SLC71A1: variants seen among roughly 807,000 people sequenced by gnomAD.
The protein encoded by SLC71A1 is solute carrier family 71 member 1, also known as hippocampus abundant gene transcript 1.
the SLC71A1 span, among the ~76,000 whole-genome samples, chr1:100,041,672 C>G: frequency 0.042 from 6,331 of 152,212 alleles, 149 homozygotes; most frequent in South Asian, 0.05. Flanking sequence ...GCCTGTAATC[C>G]CAGCACTTTG....
At chr1:100,043,137 C>T in the SLC71A1 span, 19 of 982,794 alleles carry the variant, frequency 1.9e-5, no homozygotes, top group African/African-American at 2.8e-4. Context: ...ATAATCAGAC[C>T]GTCTGCAGAA....
the SLC71A1 span, chr1:100,068,732 C>T: frequency 3.3e-6 from 2 of 610,254 alleles, no homozygotes; most frequent in East Asian, 2.9e-5. Flanking sequence ...CCTGTAATCT[C>T]AGCACTTTGG....
the SLC71A1 span, chr1:100,061,880 T>A: frequency 6.2e-7 from 1 of 1,613,150 alleles, no homozygotes; most frequent in Non-Finnish European, 8.5e-7. Context: ...TTGCAGTGAC[T>A]TTTTCTGTGG....
chr1:100,047,916 G>T, the SLC71A1 span, among the ~76,000 whole-genome samples: 1 of 152,114 alleles, frequency 6.6e-6, no homozygotes, highest in Non-Finnish European at 1.5e-5. Context: ...TATTAGAAAA[G>T]ATATGGAAAA....
At chr1:100,056,508 G>T in the SLC71A1 span, among the ~76,000 whole-genome samples, 1 of 152,196 alleles carries the variant, frequency 6.6e-6, no homozygotes, top group Non-Finnish European at 1.5e-5. Flanking sequence ...TACTCAGGAG[G>T]CTGAGGCAGG....
At chr1:100,061,894 T>A in the SLC71A1 span, 1 of 1,613,602 alleles carries the variant, frequency 6.2e-7, no homozygotes, top group Non-Finnish European at 8.5e-7. Context: ...TCTGTGGTAT[T>A]TGCATACGTA....
the SLC71A1 span, among the ~76,000 whole-genome samples, chr1:100,044,100 C>T: frequency 1.3e-5 from 2 of 152,144 alleles, no homozygotes; most frequent in Non-Finnish European, 2.9e-5. Context: ...AACAGTAGTT[C>T]TATTTTTAGT....
At chr1:100,079,502 T>C in the SLC71A1 span, 3 of 151,866 alleles carry the variant, frequency 2.0e-5, no homozygotes, top group Non-Finnish European at 4.4e-5. Context: ...GGTTGATAAA[T>C]GAGGAAGGAA....
the SLC71A1 span, chr1:100,069,756 G>A: frequency 1.1e-6 from 1 of 895,614 alleles, no homozygotes; most frequent in Non-Finnish European, 1.9e-6. Flanking sequence ...GCCTCATCTA[G>A]TGATGGTATC....
At chr1:100,066,538 G>A in the SLC71A1 span, among the ~76,000 whole-genome samples, 1 of 152,110 alleles carries the variant, frequency 6.6e-6, no homozygotes, top group African/African-American at 2.4e-5. Context: ...GCTATTGTTA[G>A]TGTATTTTAT....
the SLC71A1 span, among the ~76,000 whole-genome samples, chr1:100,046,508 G>A: frequency 6.6e-6 from 1 of 152,170 alleles, no homozygotes; most frequent in East Asian, 1.9e-4. Context: ...TTACAGGCGT[G>A]AGTCACTGTG....
chr1:100,043,203 A>G, the SLC71A1 span: 7 of 979,578 alleles, frequency 7.1e-6, no homozygotes, highest in Non-Finnish European at 8.5e-6. Context: ...TTAAAGTTTA[A>G]GTAAAAAAAT....
At chr1:100,069,535 T>C in the SLC71A1 span, 1 of 815,076 alleles carries the variant, frequency 1.2e-6, no homozygotes, top group Non-Finnish European at 2.1e-6. Context: ...TAAATGTTAA[T>C]ATACAAGTAG....
chr1:100,041,354 G>T, the SLC71A1 span, among the ~76,000 whole-genome samples: 1 of 152,144 alleles, frequency 6.6e-6, no homozygotes, highest in Admixed American at 6.5e-5. Context: ...ACATTAAGGT[G>T]TGTGATTTTA....
chr1:100,058,738 G>A, the SLC71A1 span: 3 of 1,498,682 alleles, frequency 2.0e-6, no homozygotes, highest in South Asian at 3.4e-5. Flanking sequence ...GGTAGGATCA[G>A]TCATACATAT....
chr1:100,039,984 C>G, the SLC71A1 span, among the ~76,000 whole-genome samples: 1 of 152,150 alleles, frequency 6.6e-6, no homozygotes, highest in East Asian at 1.9e-4. Flanking sequence ...AATTCTTAGC[C>G]TGCTTTGGGA....
chr1:100,063,756 A>G, the SLC71A1 span, among the ~76,000 whole-genome samples: 1 of 152,206 alleles, frequency 6.6e-6, no homozygotes, highest in Non-Finnish European at 1.5e-5. Flanking sequence ...TGATCGCACC[A>G]CTGCGCTCCA....
the SLC71A1 span, among the ~76,000 whole-genome samples, chr1:100,063,911 C>G: frequency 6.6e-6 from 1 of 152,168 alleles, no homozygotes; most frequent in Non-Finnish European, 1.5e-5. Flanking sequence ...AACAACTGTA[C>G]TGACTTGCTC....
the SLC71A1 span, chr1:100,058,719 A>G: frequency 6.4e-7 from 1 of 1,571,764 alleles, no homozygotes; most frequent in Non-Finnish European, 8.8e-7. Flanking sequence ...GCTTAATTCA[A>G]GGAGTAAAGG....
Sources: allele counts gnomAD v4.1 joint callset (sites outside exome capture counted in the v4.1 genomes callset), GRCh38; gene constraint gnomAD v4.1.1; transcripts MANE v1.5; gene names NCBI Gene and HGNC (gene_info 2026-07-23, HGNC 2026-07-21).